The following CCDC30 variants were observed in gnomAD, a reference collection of about 807,000 sequenced individuals.
CCDC30 encodes coiled-coil domain containing 30.
Under a neutral mutation model 100.2 loss-of-function variants are expected in CCDC30, and 70 were observed. That is an observed-to-expected ratio of 0.70 (90% CI 0.58 to 0.85). CCDC30 has a LOEUF of 0.85. CCDC30 is among the 40% of genes least tolerant of loss of function. The probability of loss-of-function intolerance (pLI) is 0.00; values close to 1 mark genes in which losing one functional copy is unlikely to be tolerated. For synonymous variants in CCDC30, 233 were observed against 269.5 expected, an observed-to-expected ratio of 0.86 and a Z score of 1.33; for missense variants, 652 against 771.2, an observed-to-expected ratio of 0.85 and a Z score of 1.83.
At chr1:42,467,000 A>C (rs1643611183) in intron 1 of CCDC30, among the ~76,000 whole-genome samples, 1 of 152,208 alleles carries the variant, frequency 6.6e-6, no homozygotes, top group Non-Finnish European at 1.5e-5. Context: ...TCCACTGGGA[A>C]AATGTTTGTT....
At chr1:42,499,886 G>A (rs926896324) in intron 6 of CCDC30, among the ~76,000 whole-genome samples, 3 of 151,500 alleles carry the variant, frequency 2.0e-5, no homozygotes, top group East Asian at 3.9e-4. Flanking sequence ...TGATTAAACC[G>A]CATTACAGCC....
intron 10 of CCDC30, among the ~76,000 whole-genome samples, chr1:42,610,256 A>G (rs2148640410): frequency 6.6e-6 from 1 of 152,350 alleles, no homozygotes; most frequent in South Asian, 2.1e-4. Context: ...ACAAGACTAT[A>G]TCACCTTCAA....
chr1:42,564,951 G>A (rs886860461), intron 6 of CCDC30, among the ~76,000 whole-genome samples: 7 of 152,014 alleles, frequency 4.6e-5, no homozygotes, highest in South Asian at 2.1e-4. Flanking sequence ...GTCTTTCTGC[G>A]CCTGGCTTAT....
chr1:42,647,651 A>G (rs1647995714), intron 15 of CCDC30, among the ~76,000 whole-genome samples: 1 of 152,170 alleles, frequency 6.6e-6, no homozygotes, highest in Non-Finnish European at 1.5e-5. Context: ...CACATAGAAC[A>G]TTTTTCAGAA....
At chr1:42,500,873 T>C (rs189315165) in intron 6 of CCDC30, among the ~76,000 whole-genome samples, 187 of 152,292 alleles carry the variant, frequency 1.2e-3, no homozygotes, top group Non-Finnish European at 2.1e-3. Flanking sequence ...ATTACATGCA[T>C]AAGCCGCTAC....
intron 15 of CCDC30, among the ~76,000 whole-genome samples, chr1:42,646,866 C>T (rs976516398): frequency 6.6e-6 from 1 of 152,082 alleles, no homozygotes; most frequent in East Asian, 1.9e-4. Context: ...TGGGAGGCTG[C>T]GGTGGATGAT....
downstream of CCDC30, among the ~76,000 whole-genome samples, chr1:42,656,642 T>C (rs890590154): frequency 2.0e-5 from 3 of 151,958 alleles, no homozygotes; most frequent in Non-Finnish European, 4.4e-5. Flanking sequence ...AAAATAATAA[T>C]AATAAATACA....
intron 12 of CCDC30, among the ~76,000 whole-genome samples, chr1:42,638,633 G>T (rs1009509062): frequency 1.3e-5 from 2 of 151,850 alleles, no homozygotes; most frequent in Non-Finnish European, 2.9e-5. Context: ...CAGCACTTTG[G>T]GAGGCCGAGG....
intron 6 of CCDC30, among the ~76,000 whole-genome samples, chr1:42,552,687 A>G (rs1181042806): frequency 6.6e-6 from 1 of 152,178 alleles, no homozygotes; most frequent in Non-Finnish European, 1.5e-5. Context: ...CCTTTTCTCC[A>G]GTAGCCTCCA....
intron 3 of CCDC30, among the ~76,000 whole-genome samples, chr1:42,486,908 A>G (rs1392996376): frequency 6.6e-6 from 1 of 152,204 alleles, no homozygotes; most frequent in Non-Finnish European, 1.5e-5. Context: ...AGTCAGATGC[A>G]AAAGATCATA....
At chr1:42,655,113 T>G (rs761136187), downstream of CCDC30, among the ~76,000 whole-genome samples, 4 of 152,258 alleles carry the variant, frequency 2.6e-5, no homozygotes, top group Non-Finnish European at 4.4e-5. Context: ...AGTTTGATTT[T>G]TAATTTACTG....
At chr1:42,593,349 A>T (rs1419437139) in intron 10 of CCDC30, 9 of 152,210 alleles carry the variant, frequency 5.9e-5, no homozygotes, top group Admixed American at 5.9e-4. Flanking sequence ...GCCAGATGGA[A>T]GAGATGCATA....
chr1:42,522,812 A>G (rs992805969), intron 6 of CCDC30, among the ~76,000 whole-genome samples: 1 of 152,194 alleles, frequency 6.6e-6, no homozygotes, highest in South Asian at 2.1e-4. Context: ...TTTCTTAAAT[A>G]TATTCTTTCT....
intron 4 of CCDC30, among the ~76,000 whole-genome samples, chr1:42,492,965 G>A (rs1644170401): frequency 6.6e-6 from 1 of 152,054 alleles, no homozygotes; most frequent in Non-Finnish European, 1.5e-5. Context: ...TTTATAAAAA[G>A]ACCATGCCTT....
At chr1:42,507,869 A>G (rs1226315714) in intron 6 of CCDC30, among the ~76,000 whole-genome samples, 1 of 149,196 alleles carries the variant, frequency 6.7e-6, no homozygotes, top group Non-Finnish European at 1.5e-5. Context: ...TATATTGATA[A>G]CACTTGTATT....
At chr1:42,623,427 G>A (rs566618998) in intron 11 of CCDC30, among the ~76,000 whole-genome samples, 1 of 152,180 alleles carries the variant, frequency 6.6e-6, no homozygotes, top group Non-Finnish European at 1.5e-5. Context: ...TGAGAGATAG[G>A]GATCTAGTTT....
At chr1:42,456,309 A>T in the CCDC30 span, 1 of 595,308 alleles carries the variant, frequency 1.7e-6, no homozygotes, top group Non-Finnish European at 3.0e-6. Context: ...CACCCAGGCT[A>T]GGAAACGAAC....
chr1:42,550,115 C>T (rs776460397), intron 6 of CCDC30, among the ~76,000 whole-genome samples: 1 of 152,158 alleles, frequency 6.6e-6, no homozygotes, highest in Non-Finnish European at 1.5e-5. Flanking sequence ...TTGATCAAGC[C>T]AAAACCTAGG....
chr1:42,539,249 A>G (rs149689459), intron 6 of CCDC30: 1 of 1,610,990 alleles, frequency 6.2e-7, no homozygotes, highest in East Asian at 2.2e-5. Context: ...TCAGAAAGCA[A>G]AGACCATTTT....
Sources: allele counts gnomAD v4.1 joint callset (sites outside exome capture counted in the v4.1 genomes callset), GRCh38; gene constraint gnomAD v4.1.1; transcripts MANE v1.5; gene names NCBI Gene and HGNC (gene_info 2026-07-23, HGNC 2026-07-21).